The following KRCC1 variants were observed in gnomAD, a reference collection of about 807,000 sequenced individuals.
KRCC1 encodes lysine rich coiled-coil 1.
In KRCC1, 3 loss-of-function variants were observed where a neutral mutation model predicts 7.4. That is an observed-to-expected ratio of 0.40 (90% CI 0.18 to 1.04). KRCC1 has a LOEUF of 1.04. Among genes scored for constraint, KRCC1 ranks in the 50% least tolerant of loss-of-function variants. The pLI is 0.33. For missense variants in KRCC1, 277 were observed against 300.9 expected, an observed-to-expected ratio of 0.92 and a Z score of 0.59; for synonymous variants, 102 against 101.6, an observed-to-expected ratio of 1.00 and a Z score of -0.02.
intron 1 of KRCC1, among the ~76,000 whole-genome samples, chr2:88,053,435 A>G (rs1673541768): frequency 1.3e-5 from 2 of 152,230 alleles, no homozygotes; most frequent in Admixed American, 6.5e-5. Flanking sequence ...TTCCACGACA[A>G]GTTGTTTCCA....
Position 88,028,450 on chromosome 2 carries a change from C to G in KRCC1, c.114G>C (p.Gly38=). The part of the protein sequence containing the change: ...EPKTCFRKMK[G]DYLETCGYKG... ...TGTACCCACAGGTTTCCAAATAGTC[C>G]CCTTTCATCTTTCTGAAACAAGTCT... The change falls in exon 4 of 4, where the codon GGG becomes GGC. Residue 38 remains glycine (G), a synonymous_variant. Transcript: ENST00000347055. 6.2e-7 allele frequency: 1 copy of G among 1,614,012 alleles called. No individual in the cohort carries two copies. Among genetic ancestry groups the G allele is most frequent in the South Asian group, 1.1e-5 (1 of 91,086 alleles).
chr2:88,038,676 C>A (rs1047535742), intron 1 of KRCC1, among the ~76,000 whole-genome samples: 2 of 152,104 alleles, frequency 1.3e-5, no homozygotes, highest in African/African-American at 2.4e-5. Context: ...GCTGGGGAGG[C>A]CTTAGGAAAC....
At chr2:88,033,859 T>C (rs1313970642) in intron 3 of KRCC1, among the ~76,000 whole-genome samples, 1 of 152,212 alleles carries the variant, frequency 6.6e-6, no homozygotes, top group Non-Finnish European at 1.5e-5. Flanking sequence ...TGAAAACCTA[T>C]GTCCATGCAA....
At chr2:88,048,231 C>T (rs959535031) in intron 1 of KRCC1, among the ~76,000 whole-genome samples, 12 of 151,824 alleles carry the variant, frequency 7.9e-5, no homozygotes, top group Admixed American at 5.9e-4. Context: ...TACAGGCGTG[C>T]GCTACCATGG....
intron 1 of KRCC1, among the ~76,000 whole-genome samples, chr2:88,054,731 T>C (rs1416962075): frequency 1.3e-5 from 2 of 152,208 alleles, no homozygotes; most frequent in Non-Finnish European, 2.9e-5. Flanking sequence ...GTCTTTCCCC[T>C]CTGTCAGGAG....
chr2:88,053,660 A>G (rs1673548087), intron 1 of KRCC1, among the ~76,000 whole-genome samples: 1 of 152,214 alleles, frequency 6.6e-6, no homozygotes, highest in Admixed American at 6.5e-5. Context: ...TTTTTAGTGA[A>G]CAGAAAAAGT....
At chr2:88,053,172 G>C (rs1458051912) in intron 1 of KRCC1, among the ~76,000 whole-genome samples, 1 of 151,882 alleles carries the variant, frequency 6.6e-6, no homozygotes, top group Non-Finnish European at 1.5e-5. Flanking sequence ...TTCCCCCACC[G>C]ACAGATGACC....
At chr2:88,053,669 G>T (rs1414590042) in intron 1 of KRCC1, among the ~76,000 whole-genome samples, 1 of 152,164 alleles carries the variant, frequency 6.6e-6, no homozygotes, top group Non-Finnish European at 1.5e-5. Flanking sequence ...AACAGAAAAA[G>T]TGCTTACAAA....
Position 88,028,013 on chromosome 2 carries a change from C to A in KRCC1, c.551G>T (p.Cys184Phe). 1 of 1,614,002 alleles carries A rather than the reference C, an allele frequency of 6.2e-7. No individual in the cohort carries two copies. The highest frequency in any genetic ancestry group is 1.7e-5 in the Admixed American group (1 of 59,968). The change falls in exon 4 of 4, where the codon TGC (cysteine) becomes TTC (phenylalanine). Residue 184 changes from cysteine to phenylalanine, a missense_variant. Coordinates refer to ENST00000347055, the MANE Select transcript of KRCC1 (RefSeq NM_016618.3). ...GTGTTTGTCTAAGTCAATTTCCTCG[C>A]AGCTTTTTTTTCTCTTATGCTTAGA... ...ERSKHKRKKS[C>F]EEIDLDKHKS...
At chr2:88,047,308 C>T (rs1208186960) in intron 1 of KRCC1, among the ~76,000 whole-genome samples, 2 of 152,142 alleles carry the variant, frequency 1.3e-5, no homozygotes, top group African/African-American at 2.4e-5. Context: ...GTCTCAAACT[C>T]CTGGGCTCAA....
At chr2:88,031,363 C>G (rs1472256758) in intron 3 of KRCC1, among the ~76,000 whole-genome samples, 1 of 152,132 alleles carries the variant, frequency 6.6e-6, no homozygotes, top group African/African-American at 2.4e-5. Context: ...TGGCCCATGC[C>G]TGTAATCCCA....
chr2:88,037,379 G>A (rs1346724438), intron 1 of KRCC1, among the ~76,000 whole-genome samples: 1 of 152,262 alleles, frequency 6.6e-6, no homozygotes, highest in South Asian at 2.1e-4. Flanking sequence ...CTCAAGAAAT[G>A]CAGTCGATTT....
intron 3 of KRCC1, among the ~76,000 whole-genome samples, 192 bp from the exon 4 acceptor site, chr2:88,028,777 A>C (rs1236408057): frequency 1.3e-5 from 2 of 150,030 alleles, no homozygotes; most frequent in Non-Finnish European, 3.0e-5. Flanking sequence ...CAGCCTCCCG[A>C]GTAGCTGGGA....
intron 1 of KRCC1, among the ~76,000 whole-genome samples, chr2:88,049,374 A>T (rs1673416641): frequency 6.6e-6 from 1 of 152,180 alleles, no homozygotes; most frequent in Non-Finnish European, 1.5e-5. Context: ...GGTTTGTAAG[A>T]AGGGGGAAGC....
intron 1 of KRCC1, among the ~76,000 whole-genome samples, chr2:88,049,175 G>A (rs1257838915): frequency 6.6e-6 from 1 of 152,130 alleles, no homozygotes; most frequent in African/African-American, 2.4e-5. Flanking sequence ...GGGAGTACAT[G>A]TTTAGTATCA....
chr2:88,036,496 A>G (rs952748266), intron 2 of KRCC1, among the ~76,000 whole-genome samples: 11 of 152,206 alleles, frequency 7.2e-5, no homozygotes, highest in Admixed American at 3.3e-4. Context: ...TTACCTTCCA[A>G]TGCTAGCATT....
chr2:88,049,639 G>A (rs1332677328), intron 1 of KRCC1, among the ~76,000 whole-genome samples: 1 of 152,126 alleles, frequency 6.6e-6, no homozygotes, highest in African/African-American at 2.4e-5. Flanking sequence ...ATCGGAGTGA[G>A]ACCCTGTCTC....
At chr2:88,048,119 G>C (rs961479461) in intron 1 of KRCC1, among the ~76,000 whole-genome samples, 1 of 139,910 alleles carries the variant, frequency 7.1e-6, no homozygotes, top group Non-Finnish European at 1.5e-5. Flanking sequence ...TTTCACTCTT[G>C]TTGCGCAGGC....
chr2:88,040,296 C>T (rs144882999), intron 1 of KRCC1, among the ~76,000 whole-genome samples: 5 of 152,276 alleles, frequency 3.3e-5, no homozygotes, highest in African/African-American at 7.2e-5. Flanking sequence ...CCATTTTCCT[C>T]CTGAGTCATG....
Sources: allele counts gnomAD v4.1 joint callset (sites outside exome capture counted in the v4.1 genomes callset), GRCh38; gene constraint gnomAD v4.1.1; transcripts MANE v1.5; gene names NCBI Gene and HGNC (gene_info 2026-07-23, HGNC 2026-07-21).